RAB27B: variants seen among roughly 807,000 people sequenced by gnomAD.
RAB27B encodes the protein ras-related protein Rab-27B.
In RAB27B, 15 loss-of-function variants were observed where a neutral mutation model predicts 24.6. The observed-to-expected ratio is 0.61, with a 90% CI of 0.41 to 0.94. The LOEUF is 0.94. RAB27B is among the 40% of genes least tolerant of loss of function. The probability of loss-of-function intolerance (pLI) is 0.00; values close to 1 mark genes in which losing one functional copy is unlikely to be tolerated. For missense variants in RAB27B, 261 were observed against 266.8 expected (o/e 0.98, Z 0.15); for synonymous variants, 105 against 92.5 (o/e 1.14, Z -0.78).
At chr18:54,744,516 C>T (rs1910173164) in intron 2 of RAB27B, among the ~76,000 whole-genome samples, 1 of 152,168 alleles carries the variant, frequency 6.6e-6, no homozygotes, top group Admixed American at 6.6e-5. Context: ...ACATTCTTTT[C>T]ATCACATACA....
chr18:54,796,908 G>A (rs1909439813), intron 2 of RAB27B, among the ~76,000 whole-genome samples: 1 of 152,142 alleles, frequency 6.6e-6, no homozygotes, highest in African/African-American at 2.4e-5. Flanking sequence ...TAAGAGTTTG[G>A]CCACACAGTA....
At chr18:54,881,845 C>G (rs1912938043) in intron 3 of RAB27B, among the ~76,000 whole-genome samples, 1 of 152,160 alleles carries the variant, frequency 6.6e-6, no homozygotes, top group African/African-American at 2.4e-5. Flanking sequence ...AAACAGATCA[C>G]TACAGCAAGC....
At chr18:54,790,224 C>T (rs1431885582) in intron 2 of RAB27B, among the ~76,000 whole-genome samples, 2 of 151,976 alleles carry the variant, frequency 1.3e-5, no homozygotes, top group Non-Finnish European at 2.9e-5. Context: ...TATCAAACTA[C>T]GTGTGAGGTA....
intron 2 of RAB27B, among the ~76,000 whole-genome samples, chr18:54,814,080 A>G (rs768881514): frequency 1.3e-5 from 2 of 152,214 alleles, no homozygotes; most frequent in Non-Finnish European, 2.9e-5. Flanking sequence ...TTAATTAAGC[A>G]CTGTCTTACA....
intron 2 of RAB27B, among the ~76,000 whole-genome samples, chr18:54,809,871 C>T (rs1282687274): frequency 1.3e-5 from 2 of 152,144 alleles, no homozygotes; most frequent in Non-Finnish European, 2.9e-5. Context: ...AGACAATATA[C>T]GCATTCATGT....
chr18:54,830,550 A>C (rs1910634625), intron 1 of RAB27B, among the ~76,000 whole-genome samples: 1 of 152,210 alleles, frequency 6.6e-6, no homozygotes, highest in Admixed American at 6.5e-5. Flanking sequence ...AGACAGGACA[A>C]ATCAGGTGTT....
chr18:54,827,749 C>A (rs991377847), upstream of RAB27B, among the ~76,000 whole-genome samples: 2 of 152,138 alleles, frequency 1.3e-5, no homozygotes, highest in Non-Finnish European at 2.9e-5. Flanking sequence ...ATGTACCTAA[C>A]CTTGTATTCT....
chr18:54,882,557 T>G (rs999131595), intron 3 of RAB27B, among the ~76,000 whole-genome samples: 18 of 152,168 alleles, frequency 1.2e-4, no homozygotes, highest in African/African-American at 4.1e-4. Flanking sequence ...TGTTATTTCC[T>G]CTGATACCAT....
At chr18:54,781,901 T>C (rs901642706) in intron 2 of RAB27B, among the ~76,000 whole-genome samples, 1 of 152,226 alleles carries the variant, frequency 6.6e-6, no homozygotes, top group African/African-American at 2.4e-5. Flanking sequence ...AAATGTTAGA[T>C]ACCAATTATA....
intron 2 of RAB27B, among the ~76,000 whole-genome samples, chr18:54,725,391 C>T (rs1909499843): frequency 6.6e-6 from 1 of 151,314 alleles, no homozygotes; most frequent in Non-Finnish European, 1.5e-5. Flanking sequence ...GACTGAACTA[C>T]GTGACTTCAA....
chr18:54,790,047 C>T (rs1485226065), intron 2 of RAB27B, among the ~76,000 whole-genome samples: 1 of 151,972 alleles, frequency 6.6e-6, no homozygotes, highest in African/African-American at 2.4e-5. Flanking sequence ...GAGGTAAATT[C>T]CTTACTGAAG....
intron 2 of RAB27B, among the ~76,000 whole-genome samples, chr18:54,733,654 C>CCA (rs913564153): frequency 7.8e-6 from 1 of 128,828 alleles, no homozygotes; most frequent in Non-Finnish European, 1.7e-5. Flanking sequence ...TCTAGAGCCC[C>CCA]CCCCCCCCAA....
intron 1 of RAB27B, among the ~76,000 whole-genome samples, chr18:54,872,515 C>T (rs942307882): frequency 6.6e-6 from 1 of 151,082 alleles, no homozygotes; most frequent in Non-Finnish European, 1.5e-5. Flanking sequence ...ATCCCAGCTA[C>T]TCAGGAGGCT....
intron 2 of RAB27B, among the ~76,000 whole-genome samples, chr18:54,747,574 A>T (rs2145024717): frequency 6.6e-6 from 1 of 152,226 alleles, no homozygotes; most frequent in East Asian, 1.9e-4. Context: ...CTTTTAAACA[A>T]AATCTGAATA....
At chr18:54,808,111 A>G (rs1313963037) in intron 2 of RAB27B, among the ~76,000 whole-genome samples, 2 of 152,214 alleles carry the variant, frequency 1.3e-5, no homozygotes, top group Non-Finnish European at 2.9e-5. Context: ...TATAATTTTG[A>G]AAATTAAGTT....
At chr18:54,797,613 A>G (rs1186930471) in intron 2 of RAB27B, among the ~76,000 whole-genome samples, 2 of 152,222 alleles carry the variant, frequency 1.3e-5, no homozygotes, top group African/African-American at 4.8e-5. Context: ...ATGGTGACAG[A>G]CTAAATAAAC....
In RAB27B at chr18:54,895,417, A is replaced by G. The variant is rs771016481; in HGVS notation, c.*6004A>G. 3.3e-5 allele frequency: 5 copies of G among 152,054 alleles called. No individual in the cohort carries two copies. The highest frequency in any genetic ancestry group is 1.9e-4 in the East Asian group (1 of 5,190). The allele number at this position is 152,054 out of a possible 1,614,324, so 9.4% of individuals were successfully genotyped here. On this transcript the variant is annotated 3_prime_UTR_variant, in exon 6 of 6. Coordinates refer to ENST00000262094, the MANE Select transcript of RAB27B (RefSeq NM_004163.4). ...GTGGCTTCAGAAATCATAGCATCCA[A>G]TGATTTTTTGGTGTCTGGCTATGAA...
At chr18:54,807,902 A>T (rs1203874713) in intron 2 of RAB27B, among the ~76,000 whole-genome samples, 1 of 152,150 alleles carries the variant, frequency 6.6e-6, no homozygotes, top group Non-Finnish European at 1.5e-5. Context: ...ACTTCAGGGG[A>T]TATCATCTAT....
intron 2 of RAB27B, among the ~76,000 whole-genome samples, chr18:54,804,342 C>G (rs1819881): frequency 0.73 from 111,332 of 152,020 alleles, 41,563 homozygotes; most frequent in Middle Eastern, 0.88. Flanking sequence ...TCATGGGGAC[C>G]AATCTTTCCC....
Sources: allele counts gnomAD v4.1 joint callset (sites outside exome capture counted in the v4.1 genomes callset), GRCh38; gene constraint gnomAD v4.1.1; transcripts MANE v1.5; gene names NCBI Gene and HGNC (gene_info 2026-07-23, HGNC 2026-07-21).